The following RAI2 variants were observed in gnomAD, a reference collection of about 807,000 sequenced individuals.
RAI2 encodes retinoic acid-induced protein 2.
A neutral mutation model predicts 15.3 loss-of-function variants in RAI2; 5 were observed. That is an observed-to-expected ratio of 0.33 (90% CI 0.17 to 0.69). The LOEUF (loss-of-function observed/expected upper bound fraction) is 0.69, where lower values mean the gene tolerates loss of function less well. Among genes scored for constraint, RAI2 ranks in the 30% least tolerant of loss-of-function variants. The pLI is 0.69. For missense variants in RAI2, 424 were observed against 424.7 expected, an observed-to-expected ratio of 1.00 and a Z score of 0.01; for synonymous variants, 191 against 184.0, an observed-to-expected ratio of 1.04 and a Z score of -0.31.
Position 17,801,159 on chromosome X carries a change from T to A in RAI2, c.852A>T (p.Glu284Asp). The change falls in exon 2 of 2, where the codon GAA (glutamate) becomes GAT (aspartate). Residue 284 changes from glutamate (E) to aspartate (D), a missense_variant. By Grantham distance (45) the Glu-to-Asp change is conservative. Coordinates refer to ENST00000451717, the MANE Select transcript of RAI2 (RefSeq NM_021785.6). ...HPFKGTQTPLEKDELKPFDIL... is the reference protein window; with the variant it reads ...HPFKGTQTPLDKDELKPFDIL... ...TGTCAAAGGGCTTCAGTTCATCTTT[T>A]TCCAGAGGGGTCTGGGTGCCTTTAA... is the stretch of plus-strand genomic sequence containing the variant. The A allele has an allele frequency of 8.3e-7, 1 of 1,211,351 alleles. No homozygotes were observed. The highest frequency in any genetic ancestry group is 1.7e-5 in the African/African-American group (1 of 57,706).
At chrX:17,839,841 G>A (rs749444210) in intron 1 of RAI2, among the ~76,000 whole-genome samples, 8 of 112,294 alleles carry the variant, frequency 7.1e-5, no homozygotes, top group Non-Finnish European at 1.5e-4. Flanking sequence ...GACACAGGTT[G>A]GTCTGTTCTG....
At position 17,826,541 on chromosome X, in the gene RAI2, T is replaced by C. The variant is rs190523086; in HGVS notation, c.-24-24507A>G. Among the ~76,000 whole-genome samples, 65 of 109,844 alleles carry C rather than the reference T, an allele frequency of 5.9e-4. 1 individual carries two copies. Among genetic ancestry groups the C allele is most frequent in the African/African-American group, 2.1e-3 (62 of 30,122 alleles). On this transcript the variant is annotated intron_variant, in intron 1 of 1. Coordinates refer to ENST00000451717, the MANE Select transcript of RAI2 (RefSeq NM_021785.6). ...GGAAGGGAGGGAGGGAGCAAGAGAG[T>C]GAAGGAGGGAGGACAATGTTCCCAA...
At chrX:17,816,304 G>A (rs2067107133) in intron 1 of RAI2, among the ~76,000 whole-genome samples, 1 of 111,565 alleles carries the variant, frequency 9.0e-6, no homozygotes, top group Non-Finnish European at 1.9e-5. Flanking sequence ...GGGAATGGTT[G>A]TTTTGATGGG....
rs1226528964 is a variant in RAI2 at position 17,801,581 on chromosome X, C to A, written c.430G>T (p.Ala144Ser). ...LNSPLVLPQE[A>S]PCSSSTIHNN... Reference sequence around the variant, plus strand: ...TGGATGGTACTGGAGGAGCATGGGGCCTCCTGCGGCAGGACCAGAGGGGAG... The same window carrying A: ...TGGATGGTACTGGAGGAGCATGGGGACTCCTGCGGCAGGACCAGAGGGGAG... Residue 144 changes from alanine (A) to serine (S), a missense_variant, in exon 2 of 2, where the codon GCC becomes TCC. By Grantham distance (99) the Ala-to-Ser change is moderately conservative (BLOSUM62 1). Transcript: ENST00000451717. 1 of 1,208,619 alleles carries A rather than the reference C, an allele frequency of 8.3e-7. No homozygotes were observed. Among genetic ancestry groups the A allele is most frequent in the South Asian group, 1.8e-5 (1 of 56,169 alleles).
intron 1 of RAI2, among the ~76,000 whole-genome samples, chrX:17,843,490 A>C (rs1465473494): frequency 8.9e-6 from 1 of 112,418 alleles, no homozygotes; most frequent in Non-Finnish European, 1.9e-5. Context: ...AGAACTGTCT[A>C]ATGTCTTGAT....
rs1038371365 is a variant in RAI2, at chrX:17,836,071, T to C, written c.-25+25027A>G. ...AGCTGAGAATCACCTTAAGTAACAA[T>C]ACCCACCCCTCAACTCCCACCCCTG... On this transcript the variant is annotated intron_variant, in intron 1 of 1. Coordinates refer to ENST00000451717, the MANE Select transcript of RAI2 (RefSeq NM_021785.6). 4.5e-5 allele frequency among the ~76,000 whole-genome samples: 5 copies of C among 111,103 alleles called. No homozygotes were observed. The Admixed American group carries it at 4.8e-4, about 11-fold the overall frequency.
rs150753442 is a variant in RAI2, at chrX:17,834,016, A to G, written c.-25+27082T>C. On this transcript the variant is annotated intron_variant, in intron 1 of 1. Coordinates refer to ENST00000451717, the MANE Select transcript of RAI2 (RefSeq NM_021785.6). ...CAATGCTGTCAATCCCAATGAAATT[A>G]GAGTTTGTCAAATGAGGAAGCTGAT... 8.5e-3 allele frequency among the ~76,000 whole-genome samples: 953 copies of G among 111,747 alleles called. 13 individuals carry two copies. Among genetic ancestry groups the G allele is most frequent in the African/African-American group, 0.029 (884 of 30,719 alleles).
At chrX:17,812,575 G>A (rs1046914203) in intron 1 of RAI2, among the ~76,000 whole-genome samples, 3 of 112,246 alleles carry the variant, frequency 2.7e-5, no homozygotes, top group Admixed American at 9.4e-5. Flanking sequence ...ATGGACTCAT[G>A]AGCACTTTCA....
At chrX:17,841,097 T>A (rs775928197) in intron 1 of RAI2, among the ~76,000 whole-genome samples, 1 of 111,437 alleles carries the variant, frequency 9.0e-6, no homozygotes, top group Non-Finnish European at 1.9e-5. Context: ...TTTTATTATT[T>A]TTTTGCTGAA....
chrX:17,842,464 A>G (rs1445797208), intron 1 of RAI2, among the ~76,000 whole-genome samples: 6 of 111,590 alleles, frequency 5.4e-5, no homozygotes, highest in Middle Eastern at 4.6e-3. Flanking sequence ...GTAGAAGAAG[A>G]GAAATAAATA....
At chrX:17,827,838 G>A (rs749314345) in intron 1 of RAI2, among the ~76,000 whole-genome samples, 2 of 111,850 alleles carry the variant, frequency 1.8e-5, no homozygotes, top group East Asian at 5.6e-4. Context: ...ACCTCTGCAG[G>A]CTGAGGGAAG....
intron 1 of RAI2, among the ~76,000 whole-genome samples, chrX:17,843,044 A>T (rs1333269304): frequency 8.9e-6 from 1 of 112,237 alleles, no homozygotes; most frequent in Non-Finnish European, 1.9e-5. Flanking sequence ...ATATGCACTC[A>T]TCACTGAGAT....
chrX:17,842,201 G>A (rs572789076), intron 1 of RAI2, among the ~76,000 whole-genome samples: 2 of 111,188 alleles, frequency 1.8e-5, no homozygotes, highest in Middle Eastern at 4.7e-3. Flanking sequence ...TCTAAAGGGC[G>A]ATCCCTTTCC....
At chrX:17,827,345 C>T (rs2067238396) in intron 1 of RAI2, among the ~76,000 whole-genome samples, 1 of 112,140 alleles carries the variant, frequency 8.9e-6, no homozygotes, top group Non-Finnish European at 1.9e-5. Flanking sequence ...GGGGTGGGGC[C>T]TTGTTCGACA....
chrX:17,834,507 G>A (rs977459445), intron 1 of RAI2, among the ~76,000 whole-genome samples: 3 of 109,948 alleles, frequency 2.7e-5, no homozygotes, highest in Non-Finnish European at 3.8e-5. Context: ...TACACACAGC[G>A]TGCCTATCTA....
intron 1 of RAI2, among the ~76,000 whole-genome samples, chrX:17,818,426 C>T (rs745466749): frequency 8.9e-5 from 10 of 112,273 alleles, no homozygotes; most frequent in Non-Finnish European, 1.9e-4. Flanking sequence ...TCTGGAAGCT[C>T]CCATCCTGAG....
chrX:17,823,734 C>G, intron 1 of RAI2, among the ~76,000 whole-genome samples: 1 of 111,960 alleles, frequency 8.9e-6, no homozygotes, highest in Non-Finnish European at 1.9e-5. Flanking sequence ...TTGAACGACC[C>G]AGATTCCCAG....
At chrX:17,811,269 C>G (rs1250307367) in intron 1 of RAI2, among the ~76,000 whole-genome samples, 2 of 112,263 alleles carry the variant, frequency 1.8e-5, no homozygotes, top group African/African-American at 6.5e-5. Flanking sequence ...GGACAGGGGA[C>G]TGTGAGAGTC....
At chrX:17,859,203 A>G (rs899341470) in intron 1 of RAI2, among the ~76,000 whole-genome samples, 1 of 110,065 alleles carries the variant, frequency 9.1e-6, no homozygotes, top group Non-Finnish European at 1.9e-5. Context: ...CCACCTTGCC[A>G]CCCCTCTACT....
Sources: gnomAD v4.1 joint callset for allele counts (sites outside exome capture counted in the v4.1 genomes callset) on GRCh38, gnomAD v4.1.1 for gene constraint, MANE v1.5 for transcripts, NCBI Gene and HGNC (gene_info 2026-07-23, HGNC 2026-07-21) for gene names.